The following CREG2 variants were observed in gnomAD, a reference collection of about 807,000 sequenced individuals.
CREG2 encodes protein CREG2.
CREG2 carries 24 observed loss-of-function variants against 26.2 expected under a neutral mutation model. The ratio of observed to expected loss-of-function variants is 0.92; its 90% CI spans 0.66 to 1.29. CREG2 has a LOEUF of 1.29. Ranked by LOEUF, CREG2 falls within the 50% of genes most tolerant of loss-of-function variation. The pLI is 0.00. For synonymous variants in CREG2, 174 were observed against 169.2 expected (o/e 1.03, Z -0.22); for missense variants, 366 against 398.6 (o/e 0.92, Z 0.70).
At chr2:101,377,024 G>A (rs1684802935) in intron 2 of CREG2, among the ~76,000 whole-genome samples, 1 of 152,060 alleles carries the variant, frequency 6.6e-6, no homozygotes, top group African/African-American at 2.4e-5. Context: ...TTAAAGATTA[G>A]GCCCCCCCTT....
chr2:101,377,185 T>C lies in CREG2; in HGVS notation c.611+6348A>G, dbSNP rs1684806008. 8.5e-5 allele frequency among the ~76,000 whole-genome samples: 13 copies of C among 152,284 alleles called. No homozygotes were observed. The South Asian group carries it at 2.7e-3, about 32-fold the overall frequency. ...TGTGGGAATCTCTAATGTGAAAATATACTCTATGAAAAGAAATTTTTTTAA... is the reference window on the plus strand; with the variant it reads ...TGTGGGAATCTCTAATGTGAAAATACACTCTATGAAAAGAAATTTTTTTAA... On this transcript the variant is annotated intron_variant, in intron 2 of 3. Transcript: ENST00000324768.
chr2:101,370,731 G>T (rs1463351557), intron 2 of CREG2, among the ~76,000 whole-genome samples: 6 of 152,166 alleles, frequency 3.9e-5, no homozygotes, highest in African/African-American at 1.4e-4. Context: ...CCTGAGCAGG[G>T]TTTAGTCATG....
chr2:101,371,471 C>A (rs1381884734), intron 2 of CREG2, among the ~76,000 whole-genome samples: 1 of 152,182 alleles, frequency 6.6e-6, no homozygotes, highest in Non-Finnish European at 1.5e-5. Context: ...TCTGTAGAGA[C>A]CACGCAGCAG....
chr2:101,369,768 C>T (rs1684675490), intron 2 of CREG2, among the ~76,000 whole-genome samples: 2 of 152,142 alleles, frequency 1.3e-5, no homozygotes, highest in East Asian at 1.9e-4. Flanking sequence ...CCAGCAGATG[C>T]TCAGTGAGTA....
chr2:101,358,732 A>G (rs1406092480), intron 2 of CREG2, among the ~76,000 whole-genome samples: 1 of 152,162 alleles, frequency 6.6e-6, no homozygotes, highest in Non-Finnish European at 1.5e-5. Flanking sequence ...AGGGGGGCAT[A>G]AGGCAGAGTG....
At chr2:101,356,981 C>G (rs1015680805) in intron 2 of CREG2, among the ~76,000 whole-genome samples, 3 of 151,996 alleles carry the variant, frequency 2.0e-5, no homozygotes, top group African/African-American at 7.2e-5. Context: ...CCTCCGCCTC[C>G]CGGGTTCAAG....
intron 2 of CREG2, among the ~76,000 whole-genome samples, chr2:101,364,862 T>G (rs546304483): frequency 6.6e-6 from 1 of 151,522 alleles, no homozygotes; most frequent in East Asian, 1.9e-4. Context: ...GACCATGGAG[T>G]CTAACCTGGG....
chr2:101,376,486 G>A (rs1684792690), intron 2 of CREG2, among the ~76,000 whole-genome samples: 1 of 152,088 alleles, frequency 6.6e-6, no homozygotes, highest in Admixed American at 6.6e-5. Context: ...CACCATGTTG[G>A]CCAGGTGGGT....
At chr2:101,370,912 G>A (rs1236617916) in intron 2 of CREG2, among the ~76,000 whole-genome samples, 1 of 152,186 alleles carries the variant, frequency 6.6e-6, no homozygotes, top group Admixed American at 6.5e-5. Flanking sequence ...CTGAAACGGG[G>A]CACGCTGGCA....
intron 2 of CREG2, among the ~76,000 whole-genome samples, chr2:101,376,784 T>C (rs1216318806): frequency 2.0e-5 from 3 of 152,194 alleles, no homozygotes; most frequent in African/African-American, 7.2e-5. Flanking sequence ...AAATTTCTCC[T>C]TTATTTGCCC....
chr2:101,352,600 G>A (rs1016724708), intron 3 of CREG2, among the ~76,000 whole-genome samples: 2 of 152,186 alleles, frequency 1.3e-5, no homozygotes, highest in Non-Finnish European at 1.5e-5. Context: ...ATGAGGCCAC[G>A]AGTTCGAGAC....
chr2:101,387,374 CG>C lies in CREG2; in HGVS notation c.83del (p.Pro28ArgfsTer6). Reference sequence around the variant, plus strand: ...AGCTCACGATCACGTAGCCCGCGGCCGGGGACAGCAGGGCGCTGCAGCACAG... The same window carrying C: ...AGCTCACGATCACGTAGCCCGCGGCCGGGACAGCAGGGCGCTGCAGCACAG... ...WLLCCSALLS[P>X]AAGYVIVSSV... On this transcript the variant is annotated frameshift_variant, in exon 1 of 4. Coordinates refer to ENST00000324768, the MANE Select transcript of CREG2 (RefSeq NM_153836.4). LOFTEE classifies it high-confidence loss of function. This position sits in a 1 kb window ranked among gnomAD's most constrained non-coding sequence, Gnocchi z 4.7. The C allele has an allele frequency of 4.5e-6, 6 of 1,338,008 alleles. No individual in the cohort carries two copies. Among genetic ancestry groups the C allele is most frequent in the South Asian group, 2.7e-5 (2 of 73,868 alleles). The allele number at this position is 1,338,008 out of a possible 1,614,324, so 82.9% of individuals were successfully genotyped here.
At chr2:101,374,588 T>C (rs2104481467) in intron 2 of CREG2, among the ~76,000 whole-genome samples, 1 of 152,362 alleles carries the variant, frequency 6.6e-6, no homozygotes, top group South Asian at 2.1e-4. Context: ...GAAATGCACA[T>C]TCTGTCTCAG....
chr2:101,362,327 C>T (rs997492975), intron 2 of CREG2, among the ~76,000 whole-genome samples: 4 of 152,146 alleles, frequency 2.6e-5, no homozygotes, highest in Admixed American at 1.3e-4. Context: ...AATCTCATTT[C>T]GTTGACATTG....
At chr2:101,356,752 T>G (rs948981767) in intron 2 of CREG2, among the ~76,000 whole-genome samples, 7 of 152,178 alleles carry the variant, frequency 4.6e-5, no homozygotes, top group African/African-American at 1.7e-4. Flanking sequence ...GCAAAAAGCA[T>G]ATTAGAAATA....
chr2:101,382,287 G>C (rs1684887295), intron 2 of CREG2: 1 of 158,242 alleles, frequency 6.3e-6, no homozygotes, highest in African/African-American at 2.4e-5. Context: ...GCGTGGTGGT[G>C]GACACCTGTA....
intron 2 of CREG2, chr2:101,375,703 G>A (rs1309621258): frequency 5.6e-6 from 1 of 179,906 alleles, no homozygotes. Context: ...CCTACCCCAG[G>A]ACGGGGTGGG....
intron 3 of CREG2, among the ~76,000 whole-genome samples, chr2:101,352,091 G>C (rs888843767): frequency 1.3e-5 from 2 of 151,090 alleles, no homozygotes; most frequent in African/African-American, 2.4e-5. Context: ...TATGTTGCCC[G>C]GGCTAGTCTT....
chr2:101,386,337 C>A (rs975947600), intron 1 of CREG2, among the ~76,000 whole-genome samples: 1 of 152,120 alleles, frequency 6.6e-6, no homozygotes, highest in Non-Finnish European at 1.5e-5. Context: ...CTCTTAAAAC[C>A]CCCAAAAGCC....
Sources: allele counts gnomAD v4.1 joint callset (sites outside exome capture counted in the v4.1 genomes callset), GRCh38; gene constraint gnomAD v4.1.1; non-coding constraint Gnocchi (gnomAD v3.1); transcripts MANE v1.5; gene names NCBI Gene and HGNC (gene_info 2026-07-23, HGNC 2026-07-21).